GNAL: variants seen among roughly 807,000 people sequenced by gnomAD.
GNAL encodes the protein G protein subunit alpha L, also known as guanine nucleotide-binding protein G(olf) subunit alpha.
GNAL carries 18 observed loss-of-function variants against 55.1 expected under a neutral mutation model. The observed-to-expected ratio is 0.33, with a 90% CI of 0.23 to 0.48. The LOEUF (loss-of-function observed/expected upper bound fraction) is 0.48, where lower values mean the gene tolerates loss of function less well. Among genes scored for constraint, GNAL ranks in the 20% least tolerant of loss-of-function variants. The probability of loss-of-function intolerance (pLI) is 0.99; values close to 1 mark genes in which losing one functional copy is unlikely to be tolerated. For missense variants in GNAL, 412 were observed against 614.1 expected (o/e 0.67, Z 3.48); for synonymous variants, 253 against 237.0 (o/e 1.07, Z -0.62).
At chr18:11,690,453 G>A (rs2031208597) in intron 1 of GNAL, among the ~76,000 whole-genome samples, 1 of 149,596 alleles carries the variant, frequency 6.7e-6, no homozygotes, top group South Asian at 2.1e-4. Flanking sequence ...AACTTGAGCT[G>A]CACTTGCATT....
Position 11,752,329 on chromosome 18 carries a change from C to T in GNAL, c.377-524C>T. On this transcript the variant is annotated intron_variant, in intron 1 of 11. Coordinates refer to ENST00000334049, the MANE Select transcript of GNAL (RefSeq NM_182978.4). This position sits in a 1 kb window ranked among gnomAD's most constrained non-coding sequence, Gnocchi z 4.5. ...GAAGAGACCAGACCATCTCTTTCAG[C>T]AGCAGGAAAGAGAGGAGCCGTCGCA... The T allele has an allele frequency of 6.8e-7, 1 of 1,479,022 alleles. No homozygotes were observed. Among genetic ancestry groups the T allele is most frequent in the Non-Finnish European group, 8.9e-7 (1 of 1,119,622 alleles). 91.6% of individuals were successfully genotyped at this position (1,479,022 alleles called of 1,614,324 possible). A position where few individuals can be genotyped will look rare whatever the true frequency, so the allele number is the denominator to read the frequency against.
chr18:11,867,788 G>A (rs998880042), intron 8 of GNAL, among the ~76,000 whole-genome samples: 8 of 148,798 alleles, frequency 5.4e-5, no homozygotes, highest in African/African-American at 2.0e-4. Context: ...CAGCAGTCCG[G>A]CCTGGGCAAA....
At chr18:11,779,821 T>C (rs1480134412) in intron 4 of GNAL, among the ~76,000 whole-genome samples, 4 of 152,236 alleles carry the variant, frequency 2.6e-5, no homozygotes. Flanking sequence ...TCATTTTCAC[T>C]TGAATACTCT....
chr18:11,842,758 C>T (rs1001126209), intron 5 of GNAL, among the ~76,000 whole-genome samples: 5 of 152,180 alleles, frequency 3.3e-5, no homozygotes, highest in South Asian at 2.1e-4. Flanking sequence ...GGCTGGCACT[C>T]ACCTCCTGCT....
At chr18:11,768,336 C>CA (rs1256188301) in intron 4 of GNAL, among the ~76,000 whole-genome samples, 14 of 152,192 alleles carry the variant, frequency 9.2e-5, no homozygotes, top group Non-Finnish European at 2.1e-4. Context: ...CACCGTGGCT[C>CA]ACACCTGTAA....
At chr18:11,847,097 A>G (rs560450740) in intron 5 of GNAL, among the ~76,000 whole-genome samples, 14 of 152,016 alleles carry the variant, frequency 9.2e-5, no homozygotes, top group African/African-American at 2.9e-4. Flanking sequence ...TATGTATCCA[A>G]TGCCATTTCC....
intron 4 of GNAL, among the ~76,000 whole-genome samples, chr18:11,773,800 A>G (rs1053134564): frequency 2.6e-5 from 4 of 152,154 alleles, no homozygotes; most frequent in African/African-American, 9.7e-5. Context: ...AAATCTCACA[A>G]TAGTTTTACG....
intron 4 of GNAL, chr18:11,810,350 G>C (rs114463883): frequency 6.6e-6 from 1 of 152,334 alleles, no homozygotes; most frequent in Non-Finnish European, 1.5e-5. Flanking sequence ...AGCCGAGATC[G>C]CATCACTGCG....
intron 1 of GNAL, chr18:11,745,694 T>A (rs1482667133): frequency 6.3e-6 from 1 of 157,828 alleles, no homozygotes; most frequent in Non-Finnish European, 1.4e-5. Flanking sequence ...GTTTTGAGAA[T>A]GCCAATGGAC....
chr18:11,746,278 G>A (rs901256340), intron 1 of GNAL: 2 of 375,666 alleles, frequency 5.3e-6, no homozygotes, highest in South Asian at 2.2e-5. Context: ...CAGAAACTTT[G>A]AAGAGCAAGC....
intron 4 of GNAL, among the ~76,000 whole-genome samples, chr18:11,801,917 G>A (rs567853588): frequency 9.9e-5 from 15 of 152,174 alleles, no homozygotes; most frequent in African/African-American, 3.6e-4. Context: ...CCTGAGTAGG[G>A]ACCTCCTTCA....
chr18:11,767,331 C>G (rs1598439763), intron 4 of GNAL, among the ~76,000 whole-genome samples: 1 of 151,766 alleles, frequency 6.6e-6, no homozygotes, highest in South Asian at 2.1e-4. Context: ...CATGCTTACT[C>G]TGTGTGCACC....
chr18:11,845,571 G>A (rs1488009725), intron 5 of GNAL, among the ~76,000 whole-genome samples: 2 of 152,140 alleles, frequency 1.3e-5, no homozygotes, highest in Non-Finnish European at 2.9e-5. Flanking sequence ...GCTTGAGTTT[G>A]TACGTTAGTT....
chr18:11,803,081 CAT>C (rs1263081411), intron 4 of GNAL, among the ~76,000 whole-genome samples: 2 of 152,178 alleles, frequency 1.3e-5, no homozygotes, highest in Non-Finnish European at 2.9e-5. Context: ...TGATAAAATA[CAT>C]ATAACATAAA....
At chr18:11,803,814 A>G (rs922950589) in intron 4 of GNAL, among the ~76,000 whole-genome samples, 2 of 150,674 alleles carry the variant, frequency 1.3e-5, no homozygotes, top group Non-Finnish European at 3.0e-5. Flanking sequence ...GTACAGGTGC[A>G]GTTTGGATGG....
At chr18:11,780,941 C>T (rs2033911118) in intron 4 of GNAL, among the ~76,000 whole-genome samples, 2 of 152,216 alleles carry the variant, frequency 1.3e-5, no homozygotes, top group Non-Finnish European at 2.9e-5. Flanking sequence ...ACTTAAGTCA[C>T]ACTGAAGTAT....
In GNAL at chr18:11,722,048, C is replaced by T. The variant is rs141453302; in HGVS notation, c.377-30805C>T. On this transcript the variant is annotated intron_variant, in intron 1 of 11. Coordinates refer to ENST00000334049, the MANE Select transcript of GNAL (RefSeq NM_182978.4). ...ATAAACAGTAACAACTGAGCATCAT[C>T]GGTGTTAACATCACTAGCCAAGGAA... Among the ~76,000 whole-genome samples, 371 of 152,276 alleles carry T rather than the reference C, an allele frequency of 2.4e-3. 3 individuals carry two copies. Among genetic ancestry groups the T allele is most frequent in the African/African-American group, 8.3e-3 (343 of 41,564 alleles).
At position 11,703,467 on chromosome 18, in the gene GNAL, C is replaced by T. The variant is rs548847583; in HGVS notation, c.376+13528C>T. ...TGTGCTGAAAAGAACCAATAAAATA[C>T]GGATAAAGTAGTGCCAATTAAGAAA... On this transcript the variant is annotated intron_variant, in intron 1 of 11. Coordinates refer to ENST00000334049, the MANE Select transcript of GNAL (RefSeq NM_182978.4). Among the ~76,000 whole-genome samples the T allele has an allele frequency of 9.2e-5, 14 of 152,238 alleles. No homozygotes were observed. In the South Asian group the frequency reaches 2.3e-3, roughly 25 times the overall value.
At chr18:11,778,996 T>G (rs2033858048) in intron 4 of GNAL, among the ~76,000 whole-genome samples, 1 of 152,044 alleles carries the variant, frequency 6.6e-6, no homozygotes, top group South Asian at 2.1e-4. Flanking sequence ...TCAAGAAGAA[T>G]GTATCTCCCA....
Sources: allele counts gnomAD v4.1 joint callset (sites outside exome capture counted in the v4.1 genomes callset), GRCh38; gene constraint gnomAD v4.1.1; non-coding constraint Gnocchi (gnomAD v3.1); transcripts MANE v1.5; gene names NCBI Gene and HGNC (gene_info 2026-07-23, HGNC 2026-07-21).